MORC1: variants seen among roughly 807,000 people sequenced by gnomAD.
The protein encoded by MORC1 is MORC family CW-type zinc finger protein 1.
MORC1 carries 59 observed loss-of-function variants against 134.9 expected under a neutral mutation model. The observed-to-expected ratio is 0.44, with a 90% CI of 0.35 to 0.54. The LOEUF is 0.54. Ranked by LOEUF, MORC1 falls within the 20% of genes least tolerant of loss-of-function variation. The pLI is 0.00. For synonymous variants in MORC1, 395 were observed against 391.7 expected (o/e 1.01, Z -0.10); for missense variants, 947 against 1,134.5 (o/e 0.83, Z 2.37).
chr3:109,073,656 T>C (rs1950365937), intron 8 of MORC1, among the ~76,000 whole-genome samples: 2 of 152,200 alleles, frequency 1.3e-5, no homozygotes, highest in African/African-American at 2.4e-5. Context: ...TAGGTCCCTT[T>C]TGCAATATCT....
At chr3:108,979,989 A>G (rs1947668861) in intron 23 of MORC1, among the ~76,000 whole-genome samples, 1 of 152,192 alleles carries the variant, frequency 6.6e-6, no homozygotes, top group Non-Finnish European at 1.5e-5. Flanking sequence ...TTAAACAACT[A>G]TACAATATTT....
intron 8 of MORC1, among the ~76,000 whole-genome samples, chr3:109,070,697 C>T (rs1950298308): frequency 6.6e-6 from 1 of 152,052 alleles, no homozygotes; most frequent in African/African-American, 2.4e-5. Context: ...ATGTGAAGCC[C>T]GTCTAAAGGG....
chr3:109,110,850 T>A, intron 2 of MORC1, 67 bp from the exon 3 acceptor site: 7 of 1,177,450 alleles, frequency 5.9e-6, no homozygotes, highest in South Asian at 1.5e-5. Context: ...GTATAACCTA[T>A]TGTCAGATAT....
At chr3:109,038,629 G>A (rs1419315126) in intron 14 of MORC1, among the ~76,000 whole-genome samples, 1 of 152,170 alleles carries the variant, frequency 6.6e-6, no homozygotes, top group Non-Finnish European at 1.5e-5. Flanking sequence ...GTGTAAGGAA[G>A]GGATCCACTT....
chr3:108,990,898 T>TTCTCTCTCTCTCTCTCTCTCTCTCTCTC (rs34333221), intron 21 of MORC1, among the ~76,000 whole-genome samples: 1 of 145,664 alleles, frequency 6.9e-6, no homozygotes, highest in African/African-American at 2.5e-5. Flanking sequence ...GTTTCTCTCT[T>TTCTCTCTCTCTCTCTCTCTCTCTCTCTC]TCTCTCTCTC....
At chr3:108,987,799 T>C (rs2107474518) in intron 21 of MORC1, among the ~76,000 whole-genome samples, 1 of 152,134 alleles carries the variant, frequency 6.6e-6, no homozygotes, top group South Asian at 2.1e-4. Context: ...TGTCTGTTTA[T>C]GCCTGCGGGG....
intron 22 of MORC1, among the ~76,000 whole-genome samples, chr3:108,986,198 GGTATAA>G (rs1300130364): frequency 1.1e-4 from 17 of 151,952 alleles, no homozygotes; most frequent in Non-Finnish European, 2.1e-4. Flanking sequence ...TGGGTCCAAT[GGTATAA>G]TATCAAAATT....
intron 8 of MORC1, among the ~76,000 whole-genome samples, chr3:109,084,385 G>A (rs1017542079): frequency 6.6e-6 from 1 of 151,952 alleles, no homozygotes; most frequent in Non-Finnish European, 1.5e-5. Context: ...AAGAAATCAA[G>A]AAAGCAATCC....
At chr3:109,027,679 G>A in intron 17 of MORC1, 72 bp downstream of exon 17, 1 of 1,571,444 alleles carries the variant, frequency 6.4e-7, no homozygotes, top group Non-Finnish European at 8.7e-7. Flanking sequence ...AACCACTTTA[G>A]TCAATTTGCA....
At chr3:109,072,200 C>T (rs1375147700) in intron 8 of MORC1, among the ~76,000 whole-genome samples, 1 of 152,142 alleles carries the variant, frequency 6.6e-6, no homozygotes, top group Non-Finnish European at 1.5e-5. Flanking sequence ...CTTAATTCTC[C>T]AGTCTCATCT....
intron 6 of MORC1, among the ~76,000 whole-genome samples, chr3:109,098,846 G>A (rs1312458666): frequency 1.3e-5 from 2 of 152,050 alleles, no homozygotes; most frequent in Non-Finnish European, 2.9e-5. Flanking sequence ...TCCTCAACAT[G>A]TATTTGTTAT....
intron 17 of MORC1, among the ~76,000 whole-genome samples, chr3:109,017,033 G>T (rs910608165): frequency 3.9e-5 from 6 of 152,078 alleles, no homozygotes; most frequent in African/African-American, 1.4e-4. Flanking sequence ...GTAACCCCAT[G>T]TTTCTTTGCT....
At chr3:109,061,730 C>T (rs1950087838) in intron 11 of MORC1, among the ~76,000 whole-genome samples, 1 of 152,138 alleles carries the variant, frequency 6.6e-6, no homozygotes, top group South Asian at 2.1e-4. Context: ...GGTTGTGATG[C>T]TGTTCCCCAC....
intron 8 of MORC1, among the ~76,000 whole-genome samples, chr3:109,084,057 T>A (rs924359783): frequency 6.6e-6 from 1 of 152,136 alleles, no homozygotes; most frequent in Non-Finnish European, 1.5e-5. Context: ...AACATTATAC[T>A]GAATGAGGAG....
chr3:109,011,255 T>G (rs945371814), intron 17 of MORC1, among the ~76,000 whole-genome samples: 2 of 152,268 alleles, frequency 1.3e-5, no homozygotes, highest in Non-Finnish European at 2.9e-5. Context: ...TGCCAAACTG[T>G]TTTCCTATGT....
At chr3:109,027,573 T>TTG (rs1949110472) in intron 17 of MORC1, among the ~76,000 whole-genome samples, 178 bp downstream of exon 17, 1 of 152,090 alleles carries the variant, frequency 6.6e-6, no homozygotes, top group East Asian at 1.9e-4. Flanking sequence ...TATTTTTTTT[T>TTG]TTTTTACAAA....
intron 14 of MORC1, among the ~76,000 whole-genome samples, chr3:109,036,077 TACAC>T (rs1021558709): frequency 2.0e-5 from 3 of 152,122 alleles, no homozygotes; most frequent in African/African-American, 7.2e-5. Context: ...GAATTATCCT[TACAC>T]ACATACATAA....
intron 2 of MORC1, among the ~76,000 whole-genome samples, chr3:109,111,923 G>A (rs1361987247): frequency 6.6e-6 from 1 of 152,082 alleles, no homozygotes; most frequent in Non-Finnish European, 1.5e-5. Context: ...AGTTACCACT[G>A]CCATTTCTTG....
At chr3:109,067,044 A>T (rs956605472) in intron 9 of MORC1, among the ~76,000 whole-genome samples, 2 of 152,214 alleles carry the variant, frequency 1.3e-5, no homozygotes, top group Non-Finnish European at 2.9e-5. Flanking sequence ...TATGGAAAGC[A>T]TCCCTAAATA....
Sources: gnomAD v4.1 joint callset for allele counts (sites outside exome capture counted in the v4.1 genomes callset) on GRCh38, gnomAD v4.1.1 for gene constraint, MANE v1.5 for transcripts, NCBI Gene and HGNC (gene_info 2026-07-23, HGNC 2026-07-21) for gene names.